Variants in RBFOX1 observed in about 807,000 individuals in gnomAD.
RBFOX1 encodes RNA binding protein fox-1 homolog 1.
Under a neutral mutation model 57.7 loss-of-function variants are expected in RBFOX1, and 8 were observed. The ratio of observed to expected loss-of-function variants is 0.14; its 90% CI spans 0.08 to 0.25. RBFOX1 has a LOEUF of 0.25. RBFOX1 is among the 10% of genes least tolerant of loss of function. RBFOX1 has a pLI of 1.00. For synonymous variants in RBFOX1, 326 were observed against 222.4 expected (o/e 1.47, Z -4.15); for missense variants, 611 against 548.5 (o/e 1.11, Z -1.14).
At chr16:5,514,241 C>T (rs541619326) in intron 2 of RBFOX1, among the ~76,000 whole-genome samples, 7 of 152,132 alleles carry the variant, frequency 4.6e-5, no homozygotes, top group Non-Finnish European at 8.8e-5. Context: ...GTTGGCTGAC[C>T]GTGGATGGGT....
intron 3 of RBFOX1, among the ~76,000 whole-genome samples, chr16:5,839,419 G>A (rs1163590775): frequency 6.6e-6 from 1 of 152,108 alleles, no homozygotes; most frequent in South Asian, 2.1e-4. Flanking sequence ...CCTCTCCACA[G>A]CCACTAAGTG....
At chr16:5,484,641 G>T (rs1272579295) in intron 2 of RBFOX1, among the ~76,000 whole-genome samples, 2 of 152,138 alleles carry the variant, frequency 1.3e-5, no homozygotes, top group African/African-American at 4.8e-5. Flanking sequence ...GGCCGGGTGT[G>T]GTGGCTCACA....
intron 3 of RBFOX1, among the ~76,000 whole-genome samples, chr16:6,943,003 G>T (rs2078828112): frequency 6.6e-6 from 1 of 152,188 alleles, no homozygotes; most frequent in Non-Finnish European, 1.5e-5. Context: ...ATCCCCCAAG[G>T]CTCTTCCTAC....
At chr16:6,611,516 C>T (rs530610630) in intron 2 of RBFOX1, among the ~76,000 whole-genome samples, 2 of 152,264 alleles carry the variant, frequency 1.3e-5, no homozygotes, top group South Asian at 2.1e-4. Flanking sequence ...TCTTTGCCCC[C>T]GTGTGATTCT....
chr16:5,544,936 C>T (rs973171327), intron 2 of RBFOX1, among the ~76,000 whole-genome samples: 3 of 134,700 alleles, frequency 2.2e-5, no homozygotes, highest in Non-Finnish European at 4.7e-5. Flanking sequence ...GTATAGATGG[C>T]CTTACTATTA....
chr16:6,923,872 A>C (rs967369949), intron 3 of RBFOX1, among the ~76,000 whole-genome samples: 6 of 152,056 alleles, frequency 3.9e-5, no homozygotes, highest in African/African-American at 1.4e-4. Context: ...CTGCATTGCT[A>C]TAAAGAAATA....
At chr16:7,328,112 C>G (rs748068583) in intron 4 of RBFOX1, among the ~76,000 whole-genome samples, 3 of 152,160 alleles carry the variant, frequency 2.0e-5, no homozygotes, top group Non-Finnish European at 4.4e-5. Context: ...TCAAGTGATC[C>G]TGCTGCCTCA....
At chr16:6,603,629 A>G (rs1183511844) in intron 2 of RBFOX1, among the ~76,000 whole-genome samples, 2 of 152,148 alleles carry the variant, frequency 1.3e-5, no homozygotes, top group African/African-American at 2.4e-5. Flanking sequence ...GGCAGCCGCT[A>G]TGTGCAGCTG....
chr16:6,764,468 C>T (rs902947435), intron 3 of RBFOX1, among the ~76,000 whole-genome samples: 3 of 152,188 alleles, frequency 2.0e-5, no homozygotes, highest in East Asian at 1.9e-4. Context: ...GTCTTCTCTC[C>T]ACCTGTCTCT....
chr16:7,199,181 G>T (rs1488934215), intron 4 of RBFOX1, among the ~76,000 whole-genome samples: 4 of 152,164 alleles, frequency 2.6e-5, no homozygotes, highest in Admixed American at 6.5e-5. Flanking sequence ...TTATGGCAAT[G>T]CATTTTTAAC....
intron 4 of RBFOX1, among the ~76,000 whole-genome samples, chr16:7,240,857 G>T (rs893758632): frequency 2.0e-5 from 3 of 152,100 alleles, no homozygotes; most frequent in African/African-American, 4.8e-5. Context: ...GGCGTGAGCC[G>T]CTGCACCTGG....
chr16:7,645,532 G>T (rs1258335009), intron 11 of RBFOX1, among the ~76,000 whole-genome samples: 2 of 152,170 alleles, frequency 1.3e-5, no homozygotes, highest in African/African-American at 4.8e-5. Context: ...GCAGTTCAAT[G>T]GAATATGAAT....
At chr16:5,552,266 A>G (rs9928769) in intron 2 of RBFOX1, among the ~76,000 whole-genome samples, 6,747 of 152,206 alleles carry the variant, frequency 0.044, 519 homozygotes, top group African/African-American at 0.15. Flanking sequence ...TTTATTATCC[A>G]TCCCTCCTTA....
At chr16:7,004,786 C>G (rs191978912) in intron 3 of RBFOX1, among the ~76,000 whole-genome samples, 22 of 152,220 alleles carry the variant, frequency 1.4e-4, no homozygotes, top group African/African-American at 2.9e-4. Context: ...ATTAAGATAA[C>G]CTAATCCACG....
intron 6 of RBFOX1, among the ~76,000 whole-genome samples, chr16:7,582,322 C>A (rs1006514297): frequency 2.1e-4 from 32 of 152,284 alleles, no homozygotes; most frequent in African/African-American, 6.5e-4. Context: ...CAAATAGCAT[C>A]TGTGTCCCTT....
At chr16:6,052,838 T>TAATAATAATAATAA (rs1567340009) in intron 1 of RBFOX1, among the ~76,000 whole-genome samples, 6 of 87,208 alleles carry the variant, frequency 6.9e-5, no homozygotes, top group African/African-American at 2.9e-4. Context: ...AATAATAATA[T>TAATAATAATAATAA]TAATGCCTAT....
chr16:6,019,619 G>A lies in RBFOX1; in HGVS notation c.-500G>A. 1 of 1,249,422 alleles carries A rather than the reference G, an allele frequency of 8.0e-7. No individual in the cohort carries two copies. The highest frequency in any genetic ancestry group is 1.0e-6 in the Non-Finnish European group (1 of 996,274). 77.4% of individuals were successfully genotyped at this position (1,249,422 alleles called of 1,614,324 possible). On this transcript the variant is annotated 5_prime_UTR_variant, in exon 1 of 16. Coordinates refer to ENST00000550418, the MANE Select transcript of RBFOX1 (RefSeq NM_018723.4). This position sits in a 1 kb window ranked among gnomAD's most constrained non-coding sequence, Gnocchi z 4.2. ...AGAAGGAAGGAGTGAGCCGAGCCGA[G>A]CACCCCACATCTGGAGGGGACAGCC...
chr16:6,762,553 G>A (rs1035505453), intron 3 of RBFOX1, among the ~76,000 whole-genome samples: 4 of 152,106 alleles, frequency 2.6e-5, no homozygotes, highest in African/African-American at 9.7e-5. Context: ...ATGTTCAAAG[G>A]TTGAAACTCT....
At chr16:6,883,863 CA>C (rs2063436875) in intron 3 of RBFOX1, among the ~76,000 whole-genome samples, 1 of 151,458 alleles carries the variant, frequency 6.6e-6, no homozygotes, top group South Asian at 2.1e-4. Context: ...TTGTAGTAGC[CA>C]AAATGTTAAA....
Sources: allele counts gnomAD v4.1 joint callset (sites outside exome capture counted in the v4.1 genomes callset), GRCh38; gene constraint gnomAD v4.1.1; non-coding constraint Gnocchi (gnomAD v3.1); transcripts MANE v1.5; gene names NCBI Gene and HGNC (gene_info 2026-07-23, HGNC 2026-07-21).